UACA: variants seen among roughly 807,000 people sequenced by gnomAD.
The protein encoded by UACA is uveal autoantigen with coiled-coil domains and ankyrin repeats.
A neutral mutation model predicts 160.5 loss-of-function variants in UACA; 112 were observed. That is an observed-to-expected ratio of 0.70 (90% CI 0.60 to 0.82). The LOEUF (loss-of-function observed/expected upper bound fraction) is 0.82, where lower values mean the gene tolerates loss of function less well. Ranked by LOEUF, UACA falls within the 40% of genes least tolerant of loss-of-function variation. The probability of loss-of-function intolerance (pLI) is 0.00; values close to 1 mark genes in which losing one functional copy is unlikely to be tolerated. For synonymous variants in UACA, 557 were observed against 568.4 expected (o/e 0.98, Z 0.29); for missense variants, 1,574 against 1,614.6 (o/e 0.97, Z 0.43).
At chr15:70,657,270 T>A in intron 18 of UACA, 143 bp from the exon 19 acceptor site, 1 of 702,330 alleles carries the variant, frequency 1.4e-6, no homozygotes, top group African/African-American at 1.8e-5. Flanking sequence ...CTAAAGGAAT[T>A]ACTGGAAAAG....
chr15:70,703,009 A>T, intron 1 of UACA: 1 of 919,078 alleles, frequency 1.1e-6, no homozygotes, highest in Non-Finnish European at 1.4e-6. Flanking sequence ...AAAACTGGTT[A>T]AACACTAAAG....
At chr15:70,713,256 C>T (rs1241678954) in intron 1 of UACA, among the ~76,000 whole-genome samples, 1 of 152,138 alleles carries the variant, frequency 6.6e-6, no homozygotes, top group Non-Finnish European at 1.5e-5. Context: ...GAGGCTGAGG[C>T]AGAATGGCGC....
At chr15:70,726,894 T>C (rs552828833) in intron 1 of UACA, among the ~76,000 whole-genome samples, 141 of 152,168 alleles carry the variant, frequency 9.3e-4, no homozygotes, top group African/African-American at 3.3e-3. Flanking sequence ...AGCTAGAGGG[T>C]GGCCTGGGAG....
chr15:70,669,206 T>C lies in UACA; in HGVS notation c.1478A>G (p.Lys493Arg), dbSNP rs1403071720. ...RVKEDSDEQI[K>R]QLEDALKDVQ... ...ATCTTTTAATGCATCTTCTAATTGC[T>C]TTATCTGTTCATCTGAATCCTCCTT... The change falls in exon 16 of 19, where the codon AAG becomes AGG. Residue 493 changes from lysine to arginine, a missense_variant. Transcript: ENST00000322954. The C allele has an allele frequency of 4.3e-6, 7 of 1,613,960 alleles. No individual in the cohort carries two copies. Among genetic ancestry groups the C allele is most frequent in the African/African-American group, 2.7e-5 (2 of 74,922 alleles).
chr15:70,724,536 G>A (rs1029794505), intron 1 of UACA, among the ~76,000 whole-genome samples: 2 of 151,960 alleles, frequency 1.3e-5, no homozygotes, highest in Non-Finnish European at 2.9e-5. Context: ...TCTGAAAATG[G>A]AGTGTTTTTA....
At chr15:70,743,996 G>A (rs1899616579) in intron 1 of UACA, among the ~76,000 whole-genome samples, 1 of 152,060 alleles carries the variant, frequency 6.6e-6, no homozygotes, top group African/African-American at 2.4e-5. Context: ...TGTAATTCTA[G>A]CACTTTGGGA....
At chr15:70,718,118 T>C (rs531192813) in intron 1 of UACA, among the ~76,000 whole-genome samples, 14 of 151,998 alleles carry the variant, frequency 9.2e-5, no homozygotes, top group Admixed American at 3.3e-4. Context: ...TAGGTTAGTA[T>C]ATCCTTACAT....
chr15:70,698,875 G>A (rs1898226640), intron 2 of UACA, among the ~76,000 whole-genome samples: 1 of 152,076 alleles, frequency 6.6e-6, no homozygotes, highest in Admixed American at 6.6e-5. Context: ...AAATAATGAA[G>A]ATTTGAGACG....
Position 70,687,635 on chromosome 15 carries a change from T to A in UACA, c.507A>T (p.Thr169=). The A allele has an allele frequency of 6.2e-7, 1 of 1,613,936 alleles. No individual in the cohort carries two copies. The highest frequency in any genetic ancestry group is 8.5e-7 in the Non-Finnish European group (1 of 1,179,854). The change falls in exon 7 of 19, where the codon ACA becomes ACT. Residue 169 remains threonine, a synonymous_variant. Coordinates refer to ENST00000322954, the MANE Select transcript of UACA (RefSeq NM_018003.4). The stretch of plus-strand genomic sequence containing the variant: ...TCATCTGAGTAGCCAGAACAAGTGG[T>A]GTCCGCCCGTCCTAAGCAACAGGAA... ...SVNAKDVDGR[T]PLVLATQMSR...
At chr15:70,677,083 G>A in intron 12 of UACA, 25 bp downstream of exon 12, 1 of 1,577,596 alleles carries the variant, frequency 6.3e-7, no homozygotes, top group Non-Finnish European at 8.7e-7. Flanking sequence ...CAATTTTAAT[G>A]GTTTAAAATA....
At chr15:70,712,278 C>G (rs1898706721) in intron 1 of UACA, among the ~76,000 whole-genome samples, 2 of 152,078 alleles carry the variant, frequency 1.3e-5, no homozygotes, top group African/African-American at 4.8e-5. Context: ...TCCCCATCAC[C>G]AAATCCTGCT....
chr15:70,746,835 G>A (rs1290944392), intron 1 of UACA, among the ~76,000 whole-genome samples: 1 of 152,142 alleles, frequency 6.6e-6, no homozygotes, highest in African/African-American at 2.4e-5. Context: ...CCTTCACAGG[G>A]ACATGGATGA....
At chr15:70,687,388 A>T in intron 7 of UACA, 152 bp downstream of exon 7, 1 of 642,656 alleles carries the variant, frequency 1.6e-6, no homozygotes, top group Non-Finnish European at 2.7e-6. Flanking sequence ...AAAACTGACA[A>T]GTAGATGTTA....
At chr15:70,662,475 T>C (rs528588572) in intron 17 of UACA, among the ~76,000 whole-genome samples, 1 of 152,298 alleles carries the variant, frequency 6.6e-6, no homozygotes, top group African/African-American at 2.4e-5. Flanking sequence ...CCCATCAAGC[T>C]ACCAATGACT....
chr15:70,703,995 T>C (rs1898454537), intron 1 of UACA, among the ~76,000 whole-genome samples: 1 of 152,160 alleles, frequency 6.6e-6, no homozygotes, highest in South Asian at 2.1e-4. Context: ...CTTGCACCGT[T>C]TTACTTTTCT....
At chr15:70,673,080 G>C (rs1225252941) in intron 13 of UACA, among the ~76,000 whole-genome samples, 2 of 151,928 alleles carry the variant, frequency 1.3e-5, no homozygotes, top group Non-Finnish European at 2.9e-5. Flanking sequence ...TGGGCAACAA[G>C]AGTGAAACTT....
Position 70,660,148 on chromosome 15 carries a change from T to TA in UACA, c.4179+2dup. On this transcript the variant is annotated splice_region_variant and intron_variant, in intron 18 of 18. Coordinates refer to ENST00000322954, the MANE Select transcript of UACA (RefSeq NM_018003.4). ...TCTTTCCAAAGGAGAAGTAGTTCTT[T>TA]ACCTGTGCAGCACTAAGAAGGTGTG... The TA allele has an allele frequency of 6.2e-7, 1 of 1,609,650 alleles. No individual in the cohort carries two copies. Among genetic ancestry groups the TA allele is most frequent in the Non-Finnish European group, 8.5e-7 (1 of 1,177,344 alleles).
intron 1 of UACA, among the ~76,000 whole-genome samples, chr15:70,700,316 T>TACACACACACACACAC (rs1445933630): frequency 7.0e-6 from 1 of 142,586 alleles, no homozygotes; most frequent in African/African-American, 2.9e-5. Context: ...TATATATATA[T>TACACACACACACACAC]ATACACACAC....
intron 1 of UACA, among the ~76,000 whole-genome samples, chr15:70,707,507 T>G (rs764850930): frequency 2.6e-5 from 4 of 152,104 alleles, no homozygotes; most frequent in East Asian, 1.9e-4. Context: ...GCAGAAATAT[T>G]TGCAAATCAT....
Sources: allele counts gnomAD v4.1 joint callset (sites outside exome capture counted in the v4.1 genomes callset), GRCh38; gene constraint gnomAD v4.1.1; transcripts MANE v1.5; gene names NCBI Gene and HGNC (gene_info 2026-07-23, HGNC 2026-07-21).